ZNF800: variants seen among roughly 807,000 people sequenced by gnomAD.
The protein encoded by ZNF800 is zinc finger protein 800.
A neutral mutation model predicts 59.5 loss-of-function variants in ZNF800; 13 were observed. The observed-to-expected ratio is 0.22, with a 90% confidence interval of 0.14 to 0.35. The LOEUF is 0.35. Ranked by LOEUF, ZNF800 falls within the 10% of genes least tolerant of loss-of-function variation. The pLI is 1.00. For missense variants in ZNF800, 621 were observed against 783.7 expected (o/e 0.79, Z 2.48); for synonymous variants, 266 against 265.7 (o/e 1.00, Z -0.01).
chr7:127,356,611 AAAAGTT>A (rs1351298879), intron 1 of ZNF800, among the ~76,000 whole-genome samples: 60 of 152,142 alleles, frequency 3.9e-4, no homozygotes, highest in Non-Finnish European at 6.8e-4. Context: ...GGAAACAGGT[AAAAGTT>A]TATGGTTAAT....
intron 1 of ZNF800, chr7:127,362,484 C>T (rs1369243715): frequency 1.3e-5 from 2 of 152,144 alleles, no homozygotes; most frequent in Admixed American, 1.3e-4. Flanking sequence ...CCTGTAATTT[C>T]CCTGCCTTTG....
At chr7:127,352,128 G>T (rs185690845) in intron 1 of ZNF800, among the ~76,000 whole-genome samples, 1 of 152,240 alleles carries the variant, frequency 6.6e-6, no homozygotes, top group African/African-American at 2.4e-5. Flanking sequence ...TAAATGAAAA[G>T]AATTAAAGGA....
At chr7:127,346,818 G>GAC (rs1323210090) in exon 2 of ZNF800, 2 of 152,440 alleles carry the variant, frequency 1.3e-5, no homozygotes, top group African/African-American at 4.8e-5. Flanking sequence ...ATACAGGTCT[G>GAC]ACACCTGTGA....
Position 127,371,553 on chromosome 7 carries a change from C to CA in ZNF800, c.*260dup, listed in dbSNP as rs1425025293. On this transcript the variant is annotated 3_prime_UTR_variant, in exon 6 of 6. Transcript: ENST00000265827. ...AAACTGTCGACCAAATGCACAAGGT[C>CA]AAGGGTGGATAGCTGATGGACTGTG... is the stretch of plus-strand genomic sequence containing the variant. 1 of 345,486 alleles carries CA rather than the reference C, an allele frequency of 2.9e-6. No homozygotes were observed. The highest frequency in any genetic ancestry group is 5.2e-6 in the Non-Finnish European group (1 of 191,446). The allele number at this position is 345,486 out of a possible 1,614,324, so 21.4% of individuals were successfully genotyped here.
At chr7:127,368,959 A>C (rs1168784879), downstream of ZNF800, among the ~76,000 whole-genome samples, 1 of 152,020 alleles carries the variant, frequency 6.6e-6, no homozygotes, top group Admixed American at 6.6e-5. Flanking sequence ...CTAAAACCTA[A>C]GAATGGGTAA....
intron 1 of ZNF800, chr7:127,364,368 T>A (rs1306688271): frequency 1.3e-5 from 2 of 152,112 alleles, no homozygotes; most frequent in Admixed American, 6.6e-5. Context: ...ACTGAATGCG[T>A]ACGATGCACT....
At chr7:127,368,127 A>G (rs962015596), downstream of ZNF800, among the ~76,000 whole-genome samples, 1 of 152,110 alleles carries the variant, frequency 6.6e-6, no homozygotes, top group Non-Finnish European at 1.5e-5. Flanking sequence ...ATTAAACTAG[A>G]AGAAGAAAAG....
downstream of ZNF800, among the ~76,000 whole-genome samples, chr7:127,366,468 C>T (rs1247968575): frequency 6.6e-6 from 1 of 152,120 alleles, no homozygotes. Flanking sequence ...AAACTTCAGG[C>T]TGTCTATGAA....
At chr7:127,386,217 C>G (rs1383542779) in intron 2 of ZNF800, 62 bp from the exon 3 acceptor site, 2 of 1,003,920 alleles carry the variant, frequency 2.0e-6, no homozygotes, top group Admixed American at 4.1e-5. Context: ...AAATCATTTA[C>G]TATTAAAGTA....
rs11563396 is a variant in ZNF800, at chr7:127,353,351, A to T, written n.225-5308T>A. Among the ~76,000 whole-genome samples, 1,215 of 152,252 alleles carry T rather than the reference A, an allele frequency of 8.0e-3. 25 individuals are homozygous for T. Among genetic ancestry groups the T allele is most frequent in the African/African-American group, 0.028 (1,151 of 41,532 alleles). ...CAAGACTTTTTGTTCATTATCTTAC[A>T]TCAAGAATTCCAAAGTCAGAATGCA... On this transcript the variant is annotated intron_variant and non_coding_transcript_variant, in intron 1 of 1. Coordinates refer to the ZNF800 transcript ENST00000485577.
At chr7:127,390,870 A>G (rs1442507663) in intron 2 of ZNF800, among the ~76,000 whole-genome samples, 1 of 152,244 alleles carries the variant, frequency 6.6e-6, no homozygotes, top group Non-Finnish European at 1.5e-5. Flanking sequence ...TTCATATGAT[A>G]AATTCAACTA....
chr7:127,373,337 C>T lies in ZNF800; in HGVS notation c.1994+5G>A. The T allele has an allele frequency of 1.3e-6, 2 of 1,567,748 alleles. No individual in the cohort carries two copies. The highest frequency in any genetic ancestry group is 4.5e-5 in the East Asian group (2 of 44,322). On this transcript the variant is annotated splice_donor_5th_base_variant and intron_variant, in intron 5 of 5. Transcript: ENST00000265827. ...AAAAGCAAAACTCTGTTAACTGTTCCTCACCAGACAAGAGCCTTAGATCTT... is the reference window on the plus strand; with the variant it reads ...AAAAGCAAAACTCTGTTAACTGTTCTTCACCAGACAAGAGCCTTAGATCTT...
At chr7:127,379,833 G>GCCCCCCCC (rs1184865878) in intron 3 of ZNF800, among the ~76,000 whole-genome samples, 6 of 12,704 alleles carry the variant, frequency 4.7e-4, no homozygotes, top group Non-Finnish European at 7.2e-4. Flanking sequence ...CCTTACCCTT[G>GCCCCCCCC]CCACCCCCCC....
At chr7:127,361,707 T>C (rs1398342769) in intron 1 of ZNF800, 1 of 152,178 alleles carries the variant, frequency 6.6e-6, no homozygotes, top group Non-Finnish European at 1.5e-5. Context: ...TGCTCAAGTG[T>C]AGATGGCTGA....
intron 2 of ZNF800, among the ~76,000 whole-genome samples, chr7:127,389,035 C>G (rs940652043): frequency 6.6e-6 from 1 of 152,154 alleles, no homozygotes; most frequent in Non-Finnish European, 1.5e-5. Context: ...TACACCCTTC[C>G]AAAAACACAC....
rs373477087 is a variant in ZNF800 at position 127,386,041 on chromosome 7, T to C, written c.157+19A>G. ...ACTACTATGTGAAGATTGAAAAATA[T>C]ATCCTAAAACATTCATACCTGATCG... is the stretch of plus-strand genomic sequence containing the variant. On this transcript the variant is annotated intron_variant, in intron 3 of 5. Transcript: ENST00000265827. The C allele has an allele frequency of 7.7e-6, 12 of 1,567,704 alleles. No homozygotes were observed. The Admixed American group carries it at 1.9e-4, about 25-fold the overall frequency.
intron 1 of ZNF800, among the ~76,000 whole-genome samples, chr7:127,350,791 C>A (rs1800154587): frequency 6.6e-6 from 1 of 152,232 alleles, no homozygotes; most frequent in South Asian, 2.1e-4. Context: ...GGCACAATGA[C>A]GTGCAGCAAT....
chr7:127,376,032 A>C (rs1360424369), intron 4 of ZNF800, among the ~76,000 whole-genome samples: 1 of 151,990 alleles, frequency 6.6e-6, no homozygotes, highest in Non-Finnish European at 1.5e-5. Context: ...AAAATAAATA[A>C]CTACCAAAAG....
Position 127,374,507 on chromosome 7 carries a change from G to T in ZNF800, c.829C>A (p.Arg277Ser). 1 of 1,614,098 alleles carries T rather than the reference G, an allele frequency of 6.2e-7. No homozygotes were observed. The highest frequency in any genetic ancestry group is 8.5e-7 in the Non-Finnish European group (1 of 1,180,000). The stretch of plus-strand genomic sequence containing the variant: ...AATGGAACTAGAACATTCTTACTGC[G>T]TCCTTTAGAGGATTGGTTTGGATTC... ...RKNPNQSSKG[R>S]SKNVLVPLSR... Residue 277 changes from arginine (R) to serine (S), a missense_variant, in exon 5 of 6, where the codon CGC becomes AGC. Arg to Ser is a moderately radical substitution (Grantham distance 110). This residue lies in a region of ZNF800 where 218 missense variants were observed against 230.8 expected (regional missense o/e 0.94). Transcript: ENST00000265827.
Sources: allele counts gnomAD v4.1 joint callset (sites outside exome capture counted in the v4.1 genomes callset), GRCh38; gene constraint gnomAD v4.1.1; regional missense constraint gnomAD v4.1.1; transcripts MANE v1.5; gene names NCBI Gene and HGNC (gene_info 2026-07-23, HGNC 2026-07-21).